NTRK1: variants seen among roughly 807,000 people sequenced by gnomAD.
NTRK1 encodes neurotrophic receptor tyrosine kinase 1.
In NTRK1, 62 loss-of-function variants were observed where a neutral mutation model predicts 86.8. The observed-to-expected ratio is 0.71, with a 90% CI of 0.58 to 0.88. The LOEUF (loss-of-function observed/expected upper bound fraction) is 0.88. NTRK1 is among the 40% of genes least tolerant of loss of function. NTRK1 has a pLI of 0.00. For synonymous variants in NTRK1, 469 were observed against 456.6 expected (o/e 1.03, Z -0.35); for missense variants, 967 against 1,078.4 (o/e 0.90, Z 1.45).
chr1:156,829,518 C>T (rs1654408466), intron 1 of NTRK1, among the ~76,000 whole-genome samples: 1 of 152,152 alleles, frequency 6.6e-6, no homozygotes, highest in African/African-American at 2.4e-5. Flanking sequence ...CCTCAGGATC[C>T]TGCCTTTTTG....
intron 1 of NTRK1, among the ~76,000 whole-genome samples, chr1:156,839,620 GGC>G (rs1349204388): frequency 7.2e-5 from 11 of 152,196 alleles, no homozygotes; most frequent in Non-Finnish European, 1.3e-4. Flanking sequence ...TGTGTTCCCT[GGC>G]TTGGGTGGGG....
chr1:156,815,811 T>C, exon 1 of NTRK1: 1 of 1,613,994 alleles, frequency 6.2e-7, no homozygotes, highest in Non-Finnish European at 8.5e-7. Context: ...AGTAAGGGAG[T>C]GAGTGGGCAA....
rs1373961428 is a variant in NTRK1 at position 156,849,222 on chromosome 1, C to T, written c.50+7029C>T. ...TGTCTAGTGTGTGGCCGCGTGTCCA[C>T]CGGCACTGGGGTTGGGGTCTCACAG... On this transcript the variant is annotated intron_variant, in intron 2 of 16. Coordinates refer to the NTRK1 transcript ENST00000392302. The T allele has an allele frequency of 2.5e-6, 4 of 1,611,530 alleles. No individual in the cohort carries two copies. In the South Asian group the frequency reaches 4.4e-5, roughly 18 times the overall value.
rs1178809694 is a variant in NTRK1 at position 156,881,466 on chromosome 1, T to C, written c.2215T>C (p.Cys739Arg). ...TCTCCGGTGGCCCCAGGCAATCGAC[T>C]GCATCACGCAGGGACGTGAGTTGGA... ...YQLSNTEAID[C>R]ITQGRELERP... is the part of the protein sequence containing the mutation. The change falls in exon 17 of 17, where the codon TGC becomes CGC. Residue 739 changes from cysteine to arginine, a missense_variant. By Grantham distance (180) the Cys-to-Arg change is radical (BLOSUM62 -3). This residue lies in a region of NTRK1 where 637 missense variants were observed against 776.5 expected (regional missense o/e 0.82). Coordinates refer to ENST00000524377, the MANE Select transcript of NTRK1 (RefSeq NM_002529.4). The C allele has an allele frequency of 6.4e-7, 1 of 1,571,444 alleles. No individual in the cohort carries two copies. Among genetic ancestry groups the C allele is most frequent in the Non-Finnish European group, 8.6e-7 (1 of 1,158,266 alleles).
At chr1:156,871,591 C>T (rs1219873508) in intron 6 of NTRK1, 32 bp from the exon 7 acceptor site, 1 of 1,613,710 alleles carries the variant, frequency 6.2e-7, no homozygotes, top group East Asian at 2.2e-5. Flanking sequence ...GCTAAAGCTC[C>T]TTCTTATTCC....
At chr1:156,865,439 A>C (rs1009726467) in intron 3 of NTRK1, among the ~76,000 whole-genome samples, 3 of 152,190 alleles carry the variant, frequency 2.0e-5, no homozygotes, top group Non-Finnish European at 4.4e-5. Flanking sequence ...TAGTTCACAG[A>C]ATCTAATGCT....
Position 156,876,216 on chromosome 1 carries a change from A to T in NTRK1, c.1632+6A>T, listed in dbSNP as rs1015655438. On this transcript the variant is annotated splice_donor_region_variant and intron_variant, in intron 13 of 16. Transcript: ENST00000524377. The stretch of plus-strand genomic sequence containing the variant: ...AGATGCTGGTGGCTGTCAAGGTGAG[A>T]CCCTGCCCCGGGGGGTACTGCTGGC... 5.6e-6 allele frequency: 9 copies of T among 1,613,430 alleles called. No homozygotes were observed. In the East Asian group the frequency reaches 2.0e-4, roughly 36 times the overall value.
chr1:156,843,885 C>T (rs1654890476), intron 2 of NTRK1, among the ~76,000 whole-genome samples: 1 of 152,216 alleles, frequency 6.6e-6, no homozygotes, highest in Non-Finnish European at 1.5e-5. Context: ...AACTCTCACA[C>T]CTGACAGGTG....
chr1:156,829,142 T>C (rs1313436391), intron 1 of NTRK1, among the ~76,000 whole-genome samples: 3 of 152,094 alleles, frequency 2.0e-5, no homozygotes, highest in Non-Finnish European at 4.4e-5. Context: ...CAGCTCACGA[T>C]AGGAGTGAAT....
At chr1:156,846,554 TGGGCTCCTTGATGA>T in intron 2 of NTRK1, 1 of 1,614,210 alleles carries the variant, frequency 6.2e-7, no homozygotes, top group Non-Finnish European at 8.5e-7. Context: ...GATGGGACTC[TGGGCTCCTTGATGA>T]GGGCTGTCCT....
intron 1 of NTRK1, among the ~76,000 whole-genome samples, chr1:156,834,664 T>A (rs1654552149): frequency 6.6e-6 from 1 of 151,988 alleles, no homozygotes; most frequent in Non-Finnish European, 1.5e-5. Flanking sequence ...TATAAAGAGT[T>A]ACTTATGTTA....
At position 156,868,514 on chromosome 1, in the gene NTRK1, C is replaced by T. The variant is rs552776147; in HGVS notation, c.584C>T (p.Thr195Met). Residue 195 changes from threonine to methionine, a missense_variant, in exon 6 of 17, where the codon ACG becomes ATG. Thr to Met is a moderately conservative substitution (Grantham distance 81, BLOSUM62 -1). Coordinates refer to ENST00000524377, the MANE Select transcript of NTRK1 (RefSeq NM_002529.4). ...HMPNASCGVP[T>M]LKVQVPNASV... Reference sequence around the variant, plus strand: ...CGTCCTGGGTGGCCAGGTGTGCCCACGCTGAAGGTCCAGGTGCCCAATGCC... The same window carrying T: ...CGTCCTGGGTGGCCAGGTGTGCCCATGCTGAAGGTCCAGGTGCCCAATGCC... 60 of 1,558,418 alleles carry T rather than the reference C, an allele frequency of 3.9e-5. No homozygotes were observed. In the African/African-American group the frequency reaches 6.1e-4, roughly 16 times the overall value.
At chr1:156,872,127 G>A (rs924242273) in intron 7 of NTRK1, among the ~76,000 whole-genome samples, 3 of 151,988 alleles carry the variant, frequency 2.0e-5, no homozygotes, top group Non-Finnish European at 4.4e-5. Flanking sequence ...TCCTCTTTAC[G>A]CTCGCTGCCT....
Position 156,829,259 on chromosome 1 carries a change from C to A in NTRK1, c.-63-12822C>A, listed in dbSNP as rs139790065. 5.1e-3 allele frequency among the ~76,000 whole-genome samples: 778 copies of A among 152,252 alleles called. 5 individuals are homozygous for A. Among genetic ancestry groups the A allele is most frequent in the African/African-American group, 0.018 (731 of 41,526 alleles). On this transcript the variant is annotated intron_variant, in intron 1 of 16. Transcript: ENST00000392302. ...TGAGAAGGAGCCAGCCATTCAAGGT[C>A]TAGGGAGAGTGTCTCAACAGGGGAC...
intron 2 of NTRK1, chr1:156,843,266 T>A (rs764309623): frequency 3.8e-6 from 6 of 1,597,662 alleles, no homozygotes; most frequent in Non-Finnish European, 5.2e-6. Context: ...AAAGCGAGGA[T>A]GCTGCTCTCT....
At position 156,871,626 on chromosome 1, in the gene NTRK1, T is replaced by C; in HGVS notation, c.721T>C (p.Ser241Pro). 1 of 1,614,062 alleles carries C rather than the reference T, an allele frequency of 6.2e-7. No homozygotes were observed. Among genetic ancestry groups the C allele is most frequent in the Non-Finnish European group, 8.5e-7 (1 of 1,180,000 alleles). ...ELEQSATVMKSGGLPSLGLTL... is the reference protein window; with the variant it reads ...ELEQSATVMKPGGLPSLGLTL... The stretch of plus-strand genomic sequence containing the variant: ...CCCCCTCTCTTTCCTGATCTAGAAA[T>C]CTGGGGGTCTGCCATCCCTGGGGCT... The change falls in exon 7 of 17, where the codon TCT becomes CCT. Residue 241 changes from serine to proline, a missense_variant. Ser to Pro is a moderately conservative substitution (Grantham distance 74). Around this residue, in one of 2 missense-constraint regions of NTRK1, gnomAD observed 637 missense variants for 776.5 expected, o/e 0.82. Coordinates refer to ENST00000524377, the MANE Select transcript of NTRK1 (RefSeq NM_002529.4).
chr1:156,849,415 T>C (rs1160399841), intron 2 of NTRK1: 5 of 1,613,106 alleles, frequency 3.1e-6, no homozygotes, highest in Non-Finnish European at 4.2e-6. Context: ...CCCAGGACCC[T>C]AGCTGTTGTA....
intron 1 of NTRK1, among the ~76,000 whole-genome samples, chr1:156,824,355 T>C (rs1240255460): frequency 6.6e-6 from 1 of 152,176 alleles, no homozygotes; most frequent in Non-Finnish European, 1.5e-5. Flanking sequence ...CATTTATCAG[T>C]TGGTTATATG....
In NTRK1 at chr1:156,874,420, G is replaced by A. The variant is rs2102909085; in HGVS notation, c.1195+20G>A. On this transcript the variant is annotated intron_variant, in intron 9 of 16. Coordinates refer to ENST00000524377, the MANE Select transcript of NTRK1 (RefSeq NM_002529.4). The stretch of plus-strand genomic sequence containing the variant: ...CGGTGGGTGAGTAGCCCAAGGTGGA[G>A]GGCAGGTTCTGCCTGGTCTCTGGAG... 1 of 1,614,150 alleles carries A rather than the reference G, an allele frequency of 6.2e-7. No individual in the cohort carries two copies. Among genetic ancestry groups the A allele is most frequent in the Non-Finnish European group, 8.5e-7 (1 of 1,180,040 alleles).
Sources: gnomAD v4.1 joint callset for allele counts (sites outside exome capture counted in the v4.1 genomes callset) on GRCh38, gnomAD v4.1.1 for gene constraint, gnomAD v4.1.1 regional missense constraint, MANE v1.5 for transcripts, NCBI Gene and HGNC (gene_info 2026-07-23, HGNC 2026-07-21) for gene names.